Variants in PILRB observed in about 807,000 individuals in gnomAD.
PILRB encodes paired immunoglobin like type 2 receptor beta, also known as paired immunoglobulin-like type 2 receptor beta.
PILRB carries 21 observed loss-of-function variants against 20.5 expected under a neutral mutation model. The ratio of observed to expected loss-of-function variants is 1.02; its 90% confidence interval spans 0.72 to 1.47. The LOEUF is 1.47. Ranked by LOEUF, PILRB falls within the 40% of genes most tolerant of loss-of-function variation. The probability of loss-of-function intolerance (pLI) is 0.00; values close to 1 mark genes in which losing one functional copy is unlikely to be tolerated. For missense variants in PILRB, 253 were observed against 272.1 expected, an observed-to-expected ratio of 0.93 and a Z score of 0.49; for synonymous variants, 133 against 115.1, an observed-to-expected ratio of 1.16 and a Z score of -0.99.
intron 3 of PILRB, among the ~76,000 whole-genome samples, chr7:100,363,266 A>G (rs1790583978): frequency 6.6e-6 from 1 of 152,198 alleles, no homozygotes; most frequent in South Asian, 2.1e-4. Context: ...AAGATCTCAT[A>G]TGTAGAAAAT....
rs371931442 is a variant in PILRB, at chr7:100,359,387, G to A, written c.505G>A (p.Gly169Ser). The A allele has an allele frequency of 4.3e-6, 7 of 1,613,984 alleles. No homozygotes were observed. Among genetic ancestry groups the A allele is most frequent in the African/African-American group, 1.3e-5 (1 of 74,892 alleles). Residue 169 changes from glycine to serine, a missense_variant, in exon 3 of 4, where the codon GGC becomes AGC. Physicochemically the swap from Gly to Ser is moderately conservative, Grantham distance 56. Coordinates refer to ENST00000609309, the MANE Select transcript of PILRB (RefSeq NM_178238.4). ...GCCCAGCAGCACAACCACCATAGCC[G>A]GCCTCAGGGTCACAGAAAGCAAAGG... is the stretch of plus-strand genomic sequence containing the variant. The part of the protein sequence containing the change: ...WRPSSTTTIA[G>S]LRVTESKGHS...
Position 100,358,975 on chromosome 7 carries a change from A to T in PILRB, c.350A>T (p.Lys117Met). 6.2e-7 allele frequency: 1 copy of T among 1,614,188 alleles called. No individual in the cohort carries two copies. Among genetic ancestry groups the T allele is most frequent in the Non-Finnish European group, 8.5e-7 (1 of 1,180,044 alleles). Residue 117 changes from lysine to methionine, a missense_variant, in exon 2 of 4, where the codon AAG becomes ATG. Coordinates refer to ENST00000609309, the MANE Select transcript of PILRB (RefSeq NM_178238.4). ...SGFLRISNLR[K>M]EDQSVYFCRV... ...TTCCTCAGGATCTCAAACCTGCGGA[A>T]GGAGGACCAGTCTGTGTATTTCTGC... is the stretch of plus-strand genomic sequence containing the variant.
Position 100,367,405 on chromosome 7 carries a change from G to A in PILRB, c.*28G>A, listed in dbSNP as rs1207435234. ...AACAGAGTGTGGGGAGAAGGGATGT[G>A]TATTAGCCCCGGAGGACGTGATGTG... On this transcript the variant is annotated 3_prime_UTR_variant, in exon 4 of 4. Transcript: ENST00000609309. 2.6e-6 allele frequency: 2 copies of A among 780,790 alleles called. No individual in the cohort carries two copies. Among genetic ancestry groups the A allele is most frequent in the Non-Finnish European group, 4.8e-6 (2 of 417,994 alleles). The allele number at this position is 780,790 out of a possible 1,614,324, so 48.4% of individuals were successfully genotyped here. A position where few individuals can be genotyped will look rare whatever the true frequency, so the allele number is the denominator to read the frequency against.
chr7:100,359,578 TG>T, intron 3 of PILRB, 41 bp downstream of exon 3: 1 of 1,568,584 alleles, frequency 6.4e-7, no homozygotes, highest in East Asian at 2.2e-5. Flanking sequence ...GCTTCCCAGC[TG>T]GGGGTTTCTC....
intron 3 of PILRB, among the ~76,000 whole-genome samples, chr7:100,363,926 T>A (rs1790600172): frequency 6.6e-6 from 1 of 152,140 alleles, no homozygotes; most frequent in South Asian, 2.1e-4. Flanking sequence ...CTGACCAACA[T>A]GGAGAAACCC....
At chr7:100,359,887 G>T (rs1048199795) in intron 3 of PILRB, among the ~76,000 whole-genome samples, 3 of 152,222 alleles carry the variant, frequency 2.0e-5, no homozygotes, top group Admixed American at 2.0e-4. Flanking sequence ...GCTGGGCATG[G>T]TGGCACACGC....
intron 1 of PILRB, 133 bp downstream of exon 1, chr7:100,358,499 T>G (rs1444871635): frequency 8.9e-5 from 113 of 1,269,240 alleles, no homozygotes; most frequent in Non-Finnish European, 1.2e-4. Context: ...CCCATAGGGG[T>G]GGGTGCCGCC....
intron 3 of PILRB, among the ~76,000 whole-genome samples, chr7:100,363,210 C>T (rs1393287812): frequency 6.6e-6 from 1 of 150,516 alleles, no homozygotes; most frequent in African/African-American, 2.4e-5. Flanking sequence ...AAAAAGGCAT[C>T]TAATTTGAAA....
chr7:100,359,589 C>A, intron 3 of PILRB, 52 bp downstream of exon 3: 1 of 1,465,926 alleles, frequency 6.8e-7, no homozygotes, highest in Non-Finnish European at 9.5e-7. Flanking sequence ...GGGGGTTTCT[C>A]TGAGCCCACC....
intron 3 of PILRB, among the ~76,000 whole-genome samples, chr7:100,362,449 G>A (rs1790555879): frequency 1.3e-5 from 2 of 151,630 alleles, no homozygotes. Flanking sequence ...CAGAATGAAG[G>A]ACAAAACCCA....
chr7:100,359,409 A>G lies in PILRB; in HGVS notation c.527A>G (p.Lys176Arg), dbSNP rs1256897163. Residue 176 changes from lysine (K) to arginine (R), a missense_variant, in exon 3 of 4, where the codon AAA (lysine) becomes AGA (arginine). By Grantham distance (26) the Lys-to-Arg change is conservative. Coordinates refer to ENST00000609309, the MANE Select transcript of PILRB (RefSeq NM_178238.4). ...GCCGGCCTCAGGGTCACAGAAAGCA[A>G]AGGGCACTCAGAATCATGGCACCTA... Reference protein sequence around the residue: ...TIAGLRVTESKGHSESWHLSL... With the variant: ...TIAGLRVTESRGHSESWHLSL... The G allele has an allele frequency of 1.9e-6, 3 of 1,614,182 alleles. No homozygotes were observed. The highest frequency in any genetic ancestry group is 1.1e-5 in the South Asian group (1 of 91,082).
At position 100,358,971 on chromosome 7, in the gene PILRB, C is replaced by G. The variant is rs756903361; in HGVS notation, c.346C>G (p.Arg116Gly). The change falls in exon 2 of 4, where the codon CGG becomes GGG. Residue 116 changes from arginine to glycine, a missense_variant. By Grantham distance (125) the Arg-to-Gly change is moderately radical. Transcript: ENST00000609309. Reference protein sequence around the residue: ...ESGFLRISNLRKEDQSVYFCR... With the variant: ...ESGFLRISNLGKEDQSVYFCR... ...CGGCTTCCTCAGGATCTCAAACCTG[C>G]GGAAGGAGGACCAGTCTGTGTATTT... The G allele has an allele frequency of 1.9e-5, 30 of 1,613,990 alleles. No homozygotes were observed. Among genetic ancestry groups the G allele is most frequent in the Non-Finnish European group, 2.5e-5 (29 of 1,180,046 alleles).
Position 100,358,947 on chromosome 7 carries a change from G to A in PILRB, c.322G>A (p.Gly108Ser), listed in dbSNP as rs530243344. ...GAACTGGACAGAGGGTCAGGAGAGCGGCTTCCTCAGGATCTCAAACCTGCG... is the reference window on the plus strand; with the variant it reads ...GAACTGGACAGAGGGTCAGGAGAGCAGCTTCCTCAGGATCTCAAACCTGCG... Reference protein sequence around the residue: ...FLNWTEGQESGFLRISNLRKE... With the variant: ...FLNWTEGQESSFLRISNLRKE... The change falls in exon 2 of 4, where the codon GGC becomes AGC. Residue 108 changes from glycine to serine, a missense_variant. Gly to Ser is a moderately conservative substitution (Grantham distance 56, BLOSUM62 0). Coordinates refer to ENST00000609309, the MANE Select transcript of PILRB (RefSeq NM_178238.4). 2.8e-5 allele frequency: 45 copies of A among 1,614,056 alleles called. No homozygotes were observed. In the South Asian group the frequency reaches 3.6e-4, roughly 13 times the overall value.
At chr7:100,364,124 GAC>G (rs1219084684) in intron 3 of PILRB, among the ~76,000 whole-genome samples, 6 of 145,430 alleles carry the variant, frequency 4.1e-5, no homozygotes, top group Middle Eastern at 3.3e-3. Context: ...AAAAAAAAAA[GAC>G]ATAAATAGAG....
intron 3 of PILRB, among the ~76,000 whole-genome samples, chr7:100,360,667 G>A (rs1184338979): frequency 6.6e-6 from 1 of 152,332 alleles, no homozygotes; most frequent in Non-Finnish European, 1.5e-5. Flanking sequence ...GTCTATGGAG[G>A]AATGGCCAGA....
chr7:100,358,878 A>G lies in PILRB; in HGVS notation c.253A>G (p.Arg85Gly). ...CCACGGGCAGTCCTTCTACAGCACA[A>G]GGCCGCCTTCCATTCACAAGGATTA... ...HFHGQSFYSTRPPSIHKDYVN... is the reference protein window; with the variant it reads ...HFHGQSFYSTGPPSIHKDYVN... The change falls in exon 2 of 4, where the codon AGG becomes GGG. Residue 85 changes from arginine to glycine, a missense_variant. By Grantham distance (125) the Arg-to-Gly change is moderately radical (BLOSUM62 -2). Transcript: ENST00000609309. The G allele has an allele frequency of 6.2e-7, 1 of 1,614,178 alleles. No individual in the cohort carries two copies. The highest frequency in any genetic ancestry group is 8.5e-7 in the Non-Finnish European group (1 of 1,180,026).
Position 100,359,344 on chromosome 7 carries a change from A to C in PILRB, c.462A>C (p.Thr154=). The change falls in exon 3 of 4, where the codon ACA becomes ACC. Residue 154 remains threonine, a synonymous_variant. Coordinates refer to ENST00000609309, the MANE Select transcript of PILRB (RefSeq NM_178238.4). ...GTKLTITQAV[T]TTTTWRPSST... Reference sequence around the variant, plus strand: ...ATTCCTCATCTCTTCCAGCTGTCACAACCACCACCACCTGGAGGCCCAGCA... The same window carrying C: ...ATTCCTCATCTCTTCCAGCTGTCACCACCACCACCACCTGGAGGCCCAGCA... The C allele has an allele frequency of 1.2e-6, 2 of 1,614,004 alleles. No homozygotes were observed. The highest frequency in any genetic ancestry group is 1.1e-5 in the South Asian group (1 of 91,074).
chr7:100,359,051 C>T lies in PILRB; in HGVS notation c.426C>T (p.Ile142=). Residue 142 remains isoleucine, a synonymous_variant, in exon 2 of 4, where the codon ATC becomes ATT. Transcript: ENST00000609309. ...CAGGGAGGCAGCAGTTGCAGTCCAT[C>T]AAGGGGACCAAACTCACCATCACCC... The part of the protein sequence containing the change: ...RRSGRQQLQS[I]KGTKLTITQA... 6.2e-7 allele frequency: 1 copy of T among 1,614,140 alleles called. No homozygotes were observed. The highest frequency in any genetic ancestry group is 8.5e-7 in the Non-Finnish European group (1 of 1,180,026).
Position 100,358,703 on chromosome 7 carries a change from A to C in PILRB, c.78A>C (p.Gly26=). 1.2e-6 allele frequency: 2 copies of C among 1,613,680 alleles called. No homozygotes were observed. The highest frequency in any genetic ancestry group is 1.6e-4 in the Middle Eastern group (1 of 6,062). ...PAFLQPGGST[G]SGPSYLYGVT... ...TCCTTCCTCTAGGTGGCTCCACAGGATCTGGTCCAAGCTACCTTTATGGGG... is the reference window on the plus strand; with the variant it reads ...TCCTTCCTCTAGGTGGCTCCACAGGCTCTGGTCCAAGCTACCTTTATGGGG... Residue 26 remains glycine (G), a synonymous_variant, in exon 2 of 4, where the codon GGA becomes GGC. Coordinates refer to ENST00000609309, the MANE Select transcript of PILRB (RefSeq NM_178238.4).
Sources: allele counts gnomAD v4.1 joint callset (sites outside exome capture counted in the v4.1 genomes callset), GRCh38; gene constraint gnomAD v4.1.1; transcripts MANE v1.5; gene names NCBI Gene and HGNC (gene_info 2026-07-23, HGNC 2026-07-21).